IFT122: variants seen among roughly 807,000 people sequenced by gnomAD.
The protein encoded by IFT122 is intraflagellar transport 122.
A neutral mutation model predicts 161.6 loss-of-function variants in IFT122; 118 were observed. That is an observed-to-expected ratio of 0.73 (90% CI 0.63 to 0.85). IFT122 has a LOEUF of 0.85. Among genes scored for constraint, IFT122 ranks in the 40% least tolerant of loss-of-function variants. The pLI, the probability that IFT122 is intolerant of heterozygous loss-of-function variation, is 0.00. For synonymous variants in IFT122, 550 were observed against 602.4 expected (o/e 0.91, Z 1.27); for missense variants, 1,381 against 1,579.6 (o/e 0.87, Z 2.13).
intron 21 of IFT122, among the ~76,000 whole-genome samples, chr3:129,506,044 A>G (rs915878911): frequency 2.0e-5 from 3 of 152,144 alleles, no homozygotes; most frequent in African/African-American, 7.2e-5. Context: ...TCCTGTTTCT[A>G]TCACCTTAGG....
chr3:129,458,462 C>T, intron 3 of IFT122, 137 bp from the exon 4 acceptor site: 3 of 739,534 alleles, frequency 4.1e-6, no homozygotes, highest in South Asian at 1.6e-5. Context: ...AAGGTCCTGC[C>T]TCCCAGTACT....
intron 23 of IFT122, among the ~76,000 whole-genome samples, chr3:129,509,543 T>G (rs1481555016): frequency 2.6e-5 from 4 of 152,234 alleles, no homozygotes; most frequent in Non-Finnish European, 4.4e-5. Flanking sequence ...TGAACTCAAA[T>G]AAGAAAACTG....
Position 129,497,141 on chromosome 3 carries a change from T to C in IFT122, c.2208+1534T>C, listed in dbSNP as rs116912147. On this transcript the variant is annotated intron_variant, in intron 18 of 29. Coordinates refer to ENST00000348417, the MANE Select transcript of IFT122 (RefSeq NM_052989.3). Reference sequence around the variant, plus strand: ...ACCAAAAATGCAAAAAATTAGCTGGTGCCTGTAGTCCCAGCTACTGGGAGG... The same window carrying C: ...ACCAAAAATGCAAAAAATTAGCTGGCGCCTGTAGTCCCAGCTACTGGGAGG... 4.7e-4 allele frequency among the ~76,000 whole-genome samples: 72 copies of C among 152,216 alleles called. 1 individual carries two copies. In the East Asian group the frequency reaches 0.013, roughly 28 times the overall value.
intron 8 of IFT122, among the ~76,000 whole-genome samples, chr3:129,468,578 A>AGGT (rs2077043242): frequency 6.6e-6 from 1 of 152,180 alleles, no homozygotes; most frequent in Non-Finnish European, 1.5e-5. Flanking sequence ...TCCTGACCTC[A>AGGT]GGTGATCCAC....
In IFT122 at chr3:129,506,653, T is replaced by A. The variant is rs1026262294; in HGVS notation, c.2791+104T>A. ...TTTTAATTAAAGCCCTGGGCTTGTTTATTGGGTGTATTGTCCATAAGCCTG... is the reference window on the plus strand; with the variant it reads ...TTTTAATTAAAGCCCTGGGCTTGTTAATTGGGTGTATTGTCCATAAGCCTG... On this transcript the variant is annotated intron_variant, in intron 22 of 29. Transcript: ENST00000348417. 10 of 1,465,730 alleles carry A rather than the reference T, an allele frequency of 6.8e-6. No individual in the cohort carries two copies. The Admixed American group carries it at 1.7e-4, about 25-fold the overall frequency. 90.8% of individuals were successfully genotyped at this position (1,465,730 alleles called of 1,614,324 possible).
chr3:129,483,634 G>A lies in IFT122; in HGVS notation c.1803G>A (p.Lys601=). ...TTGTGGTCGGCTACAATGGCTCCAAGATCTTCTGCCTCCATGTCTTCTCCA... is the reference window on the plus strand; with the variant it reads ...TTGTGGTCGGCTACAATGGCTCCAAAATCTTCTGCCTCCATGTCTTCTCCA... ...QGFVVGYNGS[K]IFCLHVFSIS... Residue 601 remains lysine, a synonymous_variant, in exon 15 of 30, where the codon AAG becomes AAA. Coordinates refer to ENST00000348417, the MANE Select transcript of IFT122 (RefSeq NM_052989.3). The A allele has an allele frequency of 6.2e-7, 1 of 1,612,576 alleles. No homozygotes were observed. The highest frequency in any genetic ancestry group is 1.1e-5 in the South Asian group (1 of 90,838).
chr3:129,462,213 C>G (rs572709117), intron 5 of IFT122, among the ~76,000 whole-genome samples: 2 of 152,178 alleles, frequency 1.3e-5, no homozygotes, highest in Non-Finnish European at 2.9e-5. Context: ...AAGCACTGGT[C>G]TGTGTGCTTA....
chr3:129,467,951 A>G (rs1378767991), intron 8 of IFT122, among the ~76,000 whole-genome samples: 1 of 152,144 alleles, frequency 6.6e-6, no homozygotes, highest in Non-Finnish European at 1.5e-5. Flanking sequence ...CTGCCCCAGG[A>G]GGTAAAAGGG....
intron 8 of IFT122, among the ~76,000 whole-genome samples, chr3:129,467,883 C>T (rs1225299952): frequency 2.6e-5 from 4 of 152,182 alleles, no homozygotes; most frequent in Admixed American, 1.3e-4. Context: ...GGCTTTGGGT[C>T]CCCATCTCAG....
At chr3:129,454,525 G>GTGTGTGTT (rs2075238202) in intron 3 of IFT122, among the ~76,000 whole-genome samples, 1 of 142,006 alleles carries the variant, frequency 7.0e-6, no homozygotes, top group East Asian at 2.0e-4. Context: ...GTGTGTGTGT[G>GTGTGTGTT]TGTGTGTGTG....
chr3:129,449,699 G>GC (rs1407281776), intron 1 of IFT122, among the ~76,000 whole-genome samples, 172 bp from the exon 2 acceptor site: 2 of 152,266 alleles, frequency 1.3e-5, no homozygotes, highest in African/African-American at 4.8e-5. Context: ...TGAATGGGCT[G>GC]CTGTGGTGTG....
chr3:129,459,684 T>TCTTCCTTC (rs546625729), intron 4 of IFT122, among the ~76,000 whole-genome samples: 88 of 39,764 alleles, frequency 2.2e-3, no homozygotes, highest in Non-Finnish European at 2.8e-3. Flanking sequence ...CTCCCTCCCT[T>TCTTCCTTC]CTTCCTTCCT....
chr3:129,471,587 T>A (rs770572165), intron 9 of IFT122, among the ~76,000 whole-genome samples: 1 of 152,204 alleles, frequency 6.6e-6, no homozygotes, highest in East Asian at 1.9e-4. Context: ...ACAGGAAATA[T>A]CTTGCATGTA....
rs2075505612 is a variant in IFT122 at position 129,456,469 on chromosome 3, T to G, written c.194-2130T>G. Among the ~76,000 whole-genome samples the G allele has an allele frequency of 2.0e-5, 3 of 151,988 alleles. No individual in the cohort carries two copies. In the Middle Eastern group the frequency reaches 0.01, roughly 517 times the overall value. On this transcript the variant is annotated intron_variant, in intron 3 of 29. Coordinates refer to ENST00000348417, the MANE Select transcript of IFT122 (RefSeq NM_052989.3). ...CTGGCCAACACAGTGAAACCTCGTCTGTACTAAATATATAAAAATTAGCTG... is the reference window on the plus strand; with the variant it reads ...CTGGCCAACACAGTGAAACCTCGTCGGTACTAAATATATAAAAATTAGCTG...
chr3:129,459,825 C>A (rs2076032934), intron 4 of IFT122, among the ~76,000 whole-genome samples: 1 of 151,046 alleles, frequency 6.6e-6, no homozygotes, highest in African/African-American at 2.4e-5. Flanking sequence ...TGGTAACTAG[C>A]TCACTGCAAC....
At chr3:129,446,775 C>T (rs966749193) in intron 1 of IFT122, among the ~76,000 whole-genome samples, 1 of 152,180 alleles carries the variant, frequency 6.6e-6, no homozygotes, top group South Asian at 2.1e-4. Flanking sequence ...CAGAATAAAT[C>T]TCTTCAGATA....
Position 129,469,339 on chromosome 3 carries a change from T to A in IFT122, c.741-3T>A. The A allele has an allele frequency of 6.2e-7, 1 of 1,612,932 alleles. No individual in the cohort carries two copies. Among genetic ancestry groups the A allele is most frequent in the Non-Finnish European group, 8.5e-7 (1 of 1,178,944 alleles). The stretch of plus-strand genomic sequence containing the variant: ...ATAACCTCTTTTATCTTCTGTTGAT[T>A]AGAGAGGAACGTAATGACATCCTGG... On this transcript the variant is annotated splice_polypyrimidine_tract_variant and splice_region_variant and intron_variant, in intron 8 of 29. Transcript: ENST00000348417.
intron 27 of IFT122, 33 bp downstream of exon 27, chr3:129,517,627 C>G (rs762605709): frequency 6.2e-7 from 1 of 1,606,778 alleles, no homozygotes; most frequent in Non-Finnish European, 8.5e-7. Context: ...CCTGTGTGTG[C>G]GGCTGTGTGA....
At position 129,506,260 on chromosome 3, in the gene IFT122, C is replaced by T. The variant is rs758955600; in HGVS notation, c.2651-149C>T. 46 of 857,086 alleles carry T rather than the reference C, an allele frequency of 5.4e-5. 1 individual carries two copies. Among genetic ancestry groups the T allele is most frequent in the Admixed American group, 1.3e-4 (7 of 52,664 alleles). 53.1% of individuals were successfully genotyped at this position (857,086 alleles called of 1,614,324 possible). ...ATGTAGCCTTGGTTATTTAGAGAAG[C>T]GCCATCCCAGCAACGAAGCACTGCA... On this transcript the variant is annotated intron_variant, in intron 21 of 29. Coordinates refer to ENST00000348417, the MANE Select transcript of IFT122 (RefSeq NM_052989.3).
Sources: gnomAD v4.1 joint callset for allele counts (sites outside exome capture counted in the v4.1 genomes callset) on GRCh38, gnomAD v4.1.1 for gene constraint, MANE v1.5 for transcripts, NCBI Gene and HGNC (gene_info 2026-07-23, HGNC 2026-07-21) for gene names.